SLC14A2: variants seen among roughly 807,000 people sequenced by gnomAD.
SLC14A2 encodes urea transporter 2.
In SLC14A2, 91 loss-of-function variants were observed where a neutral mutation model predicts 104.6. The observed-to-expected ratio is 0.87, with a 90% CI of 0.73 to 1.04. The LOEUF (loss-of-function observed/expected upper bound fraction) is 1.04, where lower values mean the gene tolerates loss of function less well. Among genes scored for constraint, SLC14A2 ranks in the 50% least tolerant of loss-of-function variants. The pLI, the probability that SLC14A2 is intolerant of heterozygous loss-of-function variation, is 0.00. For missense variants in SLC14A2, 1,189 were observed against 1,156.0 expected (o/e 1.03, Z -0.41); for synonymous variants, 476 against 466.4 (o/e 1.02, Z -0.27).
chr18:45,382,843 A>G (rs1271856614), intron 1 of SLC14A2, among the ~76,000 whole-genome samples: 1 of 152,216 alleles, frequency 6.6e-6, no homozygotes, highest in Non-Finnish European at 1.5e-5. Context: ...CATGGGCAGT[A>G]TATGGGAGAG....
At chr18:45,254,357 C>A (rs1599616596) in intron 1 of SLC14A2, among the ~76,000 whole-genome samples, 1 of 152,202 alleles carries the variant, frequency 6.6e-6, no homozygotes, top group East Asian at 1.9e-4. Flanking sequence ...GAAGACAAGT[C>A]CTGGACACAT....
chr18:45,408,766 AGT>A (rs1013894984), intron 1 of SLC14A2, among the ~76,000 whole-genome samples: 1 of 152,132 alleles, frequency 6.6e-6, no homozygotes, highest in Non-Finnish European at 1.5e-5. Flanking sequence ...TGAGAAAAAG[AGT>A]GTGATGAGAG....
At chr18:45,402,859 G>A (rs2086111438) in intron 1 of SLC14A2, among the ~76,000 whole-genome samples, 1 of 152,232 alleles carries the variant, frequency 6.6e-6, no homozygotes, top group African/African-American at 2.4e-5. Flanking sequence ...TCACAGGTAT[G>A]AATCATTTCA....
chr18:45,532,612 T>G (rs896930545), intron 2 of SLC14A2, among the ~76,000 whole-genome samples: 1 of 151,436 alleles, frequency 6.6e-6, no homozygotes, highest in South Asian at 2.1e-4. Flanking sequence ...GACAGTGGGG[T>G]TTTCTAGATA....
chr18:45,320,816 T>C, intron 1 of SLC14A2, among the ~76,000 whole-genome samples: 1 of 152,184 alleles, frequency 6.6e-6, no homozygotes, highest in Non-Finnish European at 1.5e-5. Context: ...AATTCAGTGG[T>C]CAGGATACAT....
intron 1 of SLC14A2, among the ~76,000 whole-genome samples, chr18:45,394,274 A>G (rs755117057): frequency 1.4e-4 from 22 of 152,156 alleles, no homozygotes; most frequent in South Asian, 4.1e-4. Flanking sequence ...TCAGTTCACT[A>G]CTTTGGACAT....
chr18:45,204,383 C>CGT, the SLC14A2 span, among the ~76,000 whole-genome samples: 1 of 152,116 alleles, frequency 6.6e-6, no homozygotes, highest in Non-Finnish European at 1.5e-5. Flanking sequence ...CCAACATCAC[C>CGT]GTGTGTGATT....
chr18:45,373,680 C>T (rs141572852), intron 1 of SLC14A2, among the ~76,000 whole-genome samples: 1 of 152,126 alleles, frequency 6.6e-6, no homozygotes, highest in South Asian at 2.1e-4. Context: ...AAATGGCCCA[C>T]GGTCAAAGTA....
At position 45,576,948 on chromosome 18, in the gene SLC14A2, G is replaced by A. The variant is rs1028506708; in HGVS notation, c.-34-47683G>A. On this transcript the variant is annotated intron_variant, in intron 2 of 20. Transcript: ENST00000586448. ...TGGGCAAGGGAGGCAGGGCAAGTAG[G>A]TTTAGGATTGTCTAGTTTGAATAAT... Among the ~76,000 whole-genome samples, 3 of 152,212 alleles carry A rather than the reference G, an allele frequency of 2.0e-5. No homozygotes were observed. The South Asian group carries it at 6.2e-4, about 32-fold the overall frequency.
At chr18:45,653,471 G>A (rs895035192) in intron 10 of SLC14A2, among the ~76,000 whole-genome samples, 2 of 152,136 alleles carry the variant, frequency 1.3e-5, no homozygotes, top group Non-Finnish European at 2.9e-5. Flanking sequence ...CTGAGTGTGT[G>A]TATGTGAAAG....
At chr18:45,666,266 G>A (rs1410897925) in intron 12 of SLC14A2, 47 bp downstream of exon 12, 3 of 1,317,714 alleles carry the variant, frequency 2.3e-6, no homozygotes, top group East Asian at 2.3e-5. Context: ...TACAGTCACA[G>A]AGCCCACAGC....
At chr18:45,476,814 G>C (rs975424653) in intron 1 of SLC14A2, among the ~76,000 whole-genome samples, 2 of 152,154 alleles carry the variant, frequency 1.3e-5, no homozygotes, top group African/African-American at 2.4e-5. Flanking sequence ...TTCTTGTGCT[G>C]TGTTTTTCAG....
chr18:45,668,175 T>C (rs552860509), intron 14 of SLC14A2, among the ~76,000 whole-genome samples, 153 bp downstream of exon 14: 12 of 152,282 alleles, frequency 7.9e-5, no homozygotes, highest in Admixed American at 3.3e-4. Context: ...AGCAACATAT[T>C]TCTAGAGAAA....
At chr18:45,193,017 T>C in the SLC14A2 span, among the ~76,000 whole-genome samples, 2 of 152,222 alleles carry the variant, frequency 1.3e-5, no homozygotes, top group South Asian at 4.1e-4. Context: ...TCTTGTCATA[T>C]ACTTATTTTA....
At chr18:45,344,135 T>G (rs990686099) in intron 1 of SLC14A2, among the ~76,000 whole-genome samples, 1 of 152,052 alleles carries the variant, frequency 6.6e-6, no homozygotes, top group African/African-American at 2.4e-5. Flanking sequence ...TTATCACTCC[T>G]ACTATGCCCC....
chr18:45,653,678 G>A (rs2045780445), intron 10 of SLC14A2, among the ~76,000 whole-genome samples: 1 of 152,070 alleles, frequency 6.6e-6, no homozygotes, highest in Non-Finnish European at 1.5e-5. Context: ...CACCCTTCTT[G>A]CTCTGAGAGG....
chr18:45,353,060 G>A (rs764675893), intron 1 of SLC14A2, among the ~76,000 whole-genome samples: 1 of 152,198 alleles, frequency 6.6e-6, no homozygotes, highest in East Asian at 1.9e-4. Flanking sequence ...AGCAGTCTAC[G>A]AGTGGTTGAA....
chr18:45,544,727 A>T (rs1358952386), intron 2 of SLC14A2, among the ~76,000 whole-genome samples: 4 of 151,270 alleles, frequency 2.6e-5, no homozygotes, highest in Admixed American at 1.3e-4. Context: ...TTACCTTTTT[A>T]AATTTAACAT....
At chr18:45,325,430 G>T (rs527761244) in intron 1 of SLC14A2, among the ~76,000 whole-genome samples, 1 of 152,250 alleles carries the variant, frequency 6.6e-6, no homozygotes, top group African/African-American at 2.4e-5. Flanking sequence ...AACAAGCAAG[G>T]GTATTATTAC....
Sources: gnomAD v4.1 joint callset for allele counts (sites outside exome capture counted in the v4.1 genomes callset) on GRCh38, gnomAD v4.1.1 for gene constraint, MANE v1.5 for transcripts, NCBI Gene and HGNC (gene_info 2026-07-23, HGNC 2026-07-21) for gene names.